Variants in EVA1C observed in about 807,000 individuals in gnomAD.
EVA1C encodes the protein protein eva-1 homolog C.
EVA1C carries 25 observed loss-of-function variants against 45.4 expected under a neutral mutation model. The ratio of observed to expected loss-of-function variants is 0.55; its 90% CI spans 0.40 to 0.77. EVA1C has a LOEUF of 0.77. Ranked by LOEUF, EVA1C falls within the 30% of genes least tolerant of loss-of-function variation. EVA1C has a pLI of 0.00. For missense variants in EVA1C, 479 were observed against 554.8 expected (o/e 0.86, Z 1.37); for synonymous variants, 190 against 221.2 (o/e 0.86, Z 1.25).
intron 1 of EVA1C, among the ~76,000 whole-genome samples, chr21:32,432,406 C>T (rs79656255): frequency 6.7e-6 from 1 of 149,194 alleles, no homozygotes; most frequent in South Asian, 2.2e-4. Context: ...TAAAGCAGAA[C>T]AGAAGAAAGA....
chr21:32,430,334 C>A (rs2034650460), intron 1 of EVA1C, among the ~76,000 whole-genome samples: 1 of 151,992 alleles, frequency 6.6e-6, no homozygotes, highest in African/African-American at 2.4e-5. Context: ...AAGGAGTCAC[C>A]CACATAATGA....
At chr21:32,418,100 A>G (rs2034122410) in intron 1 of EVA1C, among the ~76,000 whole-genome samples, 2 of 152,288 alleles carry the variant, frequency 1.3e-5, no homozygotes, top group Middle Eastern at 3.4e-3. Context: ...GCACCTCGCA[A>G]CACAGACACC....
At chr21:32,420,323 T>C (rs1008540800) in intron 1 of EVA1C, among the ~76,000 whole-genome samples, 5 of 152,114 alleles carry the variant, frequency 3.3e-5, no homozygotes, top group Non-Finnish European at 5.9e-5. Context: ...TGAGCCAAGA[T>C]CATGCCACCA....
chr21:32,427,550 T>A (rs560237271), intron 1 of EVA1C, among the ~76,000 whole-genome samples: 1 of 151,670 alleles, frequency 6.6e-6, no homozygotes, highest in Non-Finnish European at 1.5e-5. Flanking sequence ...CCATCTCTAC[T>A]AAAAATACAA....
chr21:32,485,572 G>C (rs910545619), intron 4 of EVA1C, among the ~76,000 whole-genome samples: 1 of 151,912 alleles, frequency 6.6e-6, no homozygotes, highest in African/African-American at 2.4e-5. Context: ...GCTCCTCATG[G>C]GCCGGCTCCT....
chr21:32,429,439 T>C (rs2034614165), intron 1 of EVA1C, among the ~76,000 whole-genome samples: 1 of 151,760 alleles, frequency 6.6e-6, no homozygotes, highest in African/African-American at 2.4e-5. Context: ...CTGCTACTTC[T>C]GCCTCCAGGA....
intron 6 of EVA1C, among the ~76,000 whole-genome samples, chr21:32,502,038 TTCTTTCTTTC>T (rs2037568330): frequency 1.3e-5 from 1 of 78,254 alleles, no homozygotes; most frequent in Non-Finnish European, 2.8e-5. Flanking sequence ...CTTTCTTTCT[TTCTTTCTTTC>T]TTTCTTCTTT....
intron 4 of EVA1C, among the ~76,000 whole-genome samples, chr21:32,494,280 G>A (rs964458294): frequency 2.0e-5 from 3 of 152,182 alleles, no homozygotes; most frequent in South Asian, 2.1e-4. Flanking sequence ...TACAGTGGGC[G>A]AGGTGTGAGA....
chr21:32,437,249 C>T (rs79559033), intron 1 of EVA1C, among the ~76,000 whole-genome samples: 8 of 133,260 alleles, frequency 6.0e-5, no homozygotes, highest in Non-Finnish European at 9.8e-5. Context: ...AGCCAAGCTC[C>T]GGGTCCCTCT....
intron 4 of EVA1C, among the ~76,000 whole-genome samples, chr21:32,477,754 ACGCCCTCC>A (rs2036623816): frequency 2.8e-4 from 2 of 7,180 alleles, no homozygotes; most frequent in South Asian, 5.9e-3. Context: ...CCTCCCCCGT[ACGCCCTCC>A]CCTCCCCCGT....
intron 1 of EVA1C, among the ~76,000 whole-genome samples, chr21:32,449,631 T>G (rs562441043): frequency 1.9e-4 from 29 of 152,072 alleles, no homozygotes; most frequent in Non-Finnish European, 3.7e-4. Context: ...TGTTTTGTTT[T>G]TTTTTTTTGA....
intron 1 of EVA1C, among the ~76,000 whole-genome samples, chr21:32,414,671 A>G (rs2033966579): frequency 6.6e-6 from 1 of 152,194 alleles, no homozygotes; most frequent in South Asian, 2.1e-4. Context: ...AGTAAAATGA[A>G]TGATTTGATA....
intron 6 of EVA1C, among the ~76,000 whole-genome samples, chr21:32,502,808 T>C (rs1267057700): frequency 2.0e-5 from 3 of 152,162 alleles, no homozygotes; most frequent in African/African-American, 7.2e-5. Flanking sequence ...TATTATTATG[T>C]TTGTAAAGAC....
At chr21:32,511,836 G>C (rs563176975) in intron 7 of EVA1C, among the ~76,000 whole-genome samples, 1 of 152,154 alleles carries the variant, frequency 6.6e-6, no homozygotes, top group Non-Finnish European at 1.5e-5. Flanking sequence ...TGTTGACCAG[G>C]GACATTGACA....
chr21:32,416,154 TTCAGTGTGTC>T (rs1206842163), intron 1 of EVA1C, among the ~76,000 whole-genome samples: 3 of 151,928 alleles, frequency 2.0e-5, no homozygotes, highest in Non-Finnish European at 2.9e-5. Context: ...AGAGTGGTGT[TTCAGTGTGTC>T]TCTTGTATTT....
chr21:32,441,069 T>G (rs1256686670), intron 1 of EVA1C, among the ~76,000 whole-genome samples: 3 of 152,192 alleles, frequency 2.0e-5, no homozygotes, highest in Admixed American at 6.5e-5. Context: ...GCCATTGCAG[T>G]CCAGCCTGGG....
chr21:32,488,290 A>G (rs1568936635), intron 4 of EVA1C, among the ~76,000 whole-genome samples: 1 of 152,176 alleles, frequency 6.6e-6, no homozygotes, highest in East Asian at 1.9e-4. Flanking sequence ...CAGGAAATGG[A>G]GAATTATTTC....
rs2036497999 is a variant in EVA1C, at chr21:32,474,799, G to A, written c.634+6951G>A. 6.6e-6 allele frequency among the ~76,000 whole-genome samples: 1 copy of A among 152,226 alleles called. No homozygotes were observed. Among genetic ancestry groups the A allele is most frequent in the African/African-American group, 2.4e-5 (1 of 41,462 alleles). ...CTGGGAATGTAGGCCTGGTGTCACA[G>A]CTTCCAACCTCATGGGATGCTGGAA... is the stretch of plus-strand genomic sequence containing the variant. On this transcript the variant is annotated intron_variant, in intron 4 of 7. Transcript: ENST00000300255. The surrounding 1 kb of genome is among the most constrained non-coding windows in gnomAD (Gnocchi z 4.4).
chr21:32,476,829 A>G (rs375620972), intron 4 of EVA1C, among the ~76,000 whole-genome samples: 3 of 152,040 alleles, frequency 2.0e-5, no homozygotes, highest in Non-Finnish European at 4.4e-5. Context: ...GAGCATTTCC[A>G]TAGACTTGAG....
Sources: allele counts gnomAD v4.1 joint callset (sites outside exome capture counted in the v4.1 genomes callset), GRCh38; gene constraint gnomAD v4.1.1; non-coding constraint Gnocchi (gnomAD v3.1); transcripts MANE v1.5; gene names NCBI Gene and HGNC (gene_info 2026-07-23, HGNC 2026-07-21).